PDGFC: variants seen among roughly 807,000 people sequenced by gnomAD.
PDGFC encodes platelet derived growth factor C, also known as platelet-derived growth factor C.
A neutral mutation model predicts 35.5 loss-of-function variants in PDGFC; 12 were observed. That is an observed-to-expected ratio of 0.34 (90% CI 0.22 to 0.55). The LOEUF is 0.55. Ranked by LOEUF, PDGFC falls within the 20% of genes least tolerant of loss-of-function variation. PDGFC has a pLI of 0.91. For synonymous variants in PDGFC, 159 were observed against 148.8 expected (o/e 1.07, Z -0.50); for missense variants, 322 against 412.4 (o/e 0.78, Z 1.90).
At chr4:156,865,135 T>G (rs2111124582) in intron 1 of PDGFC, among the ~76,000 whole-genome samples, 1 of 151,936 alleles carries the variant, frequency 6.6e-6, no homozygotes, top group South Asian at 2.1e-4. Context: ...TTTTTCATCA[T>G]GAAGCAAAAC....
chr4:156,895,610 C>A (rs947191600), intron 1 of PDGFC, among the ~76,000 whole-genome samples: 3 of 148,224 alleles, frequency 2.0e-5, no homozygotes, highest in East Asian at 2.0e-4. Context: ...CCAGCCTGGG[C>A]GACAGAGCAA....
chr4:156,873,099 G>C (rs1730026106), intron 1 of PDGFC, among the ~76,000 whole-genome samples: 1 of 152,146 alleles, frequency 6.6e-6, no homozygotes, highest in Non-Finnish European at 1.5e-5. Context: ...CCACTGCCGG[G>C]ACTACAGAGA....
In PDGFC at chr4:156,970,876, T is replaced by A. The variant is rs1732576903; in HGVS notation, c.28A>T (p.Thr10Ser). 6.2e-7 allele frequency: 1 copy of A among 1,613,690 alleles called. No homozygotes were observed. Among genetic ancestry groups the A allele is most frequent in the Admixed American group, 1.7e-5 (1 of 60,004 alleles). ...TGTCTCTGGCCGGCCAGGGCAGATG[T>A]CAGCAGGAGAAGCCCGAAGAGGCTC... MSLFGLLLL[T>S]SALAGQRQGT... Residue 10 changes from threonine (T) to serine (S), a missense_variant, in exon 1 of 6, where the codon ACA becomes TCA. Physicochemically the swap from Thr to Ser is moderately conservative, Grantham distance 58. Around this residue, in one of 2 missense-constraint regions of PDGFC, gnomAD observed 120 missense variants for 116.6 expected, o/e 1.03. Transcript: ENST00000502773.
chr4:156,764,038 T>A (rs1730453576), intron 5 of PDGFC, among the ~76,000 whole-genome samples: 1 of 152,228 alleles, frequency 6.6e-6, no homozygotes, highest in Non-Finnish European at 1.5e-5. Context: ...TTACATTTTA[T>A]TTCTTATGAT....
chr4:156,954,543 C>A (rs1423976743), intron 1 of PDGFC, among the ~76,000 whole-genome samples: 1 of 152,004 alleles, frequency 6.6e-6, no homozygotes, highest in Non-Finnish European at 1.5e-5. Flanking sequence ...TTGCGATGGT[C>A]ATGCTCTTCT....
chr4:156,954,388 AGTT>A (rs1357797794), intron 1 of PDGFC, among the ~76,000 whole-genome samples: 3 of 152,028 alleles, frequency 2.0e-5, no homozygotes, highest in African/African-American at 7.2e-5. Flanking sequence ...GATAAATCAC[AGTT>A]GTCAATCTCA....
At chr4:156,795,572 C>G (rs1456441218) in intron 3 of PDGFC, among the ~76,000 whole-genome samples, 1 of 152,024 alleles carries the variant, frequency 6.6e-6, no homozygotes, top group Non-Finnish European at 1.5e-5. Context: ...GATTCTCCAC[C>G]TGAACTACTC....
chr4:156,841,578 C>A (rs1729206652), intron 2 of PDGFC, among the ~76,000 whole-genome samples: 2 of 150,844 alleles, frequency 1.3e-5, no homozygotes, highest in African/African-American at 4.9e-5. Context: ...ACAATCTTGG[C>A]TCACTGCAAC....
intron 1 of PDGFC, among the ~76,000 whole-genome samples, chr4:156,856,530 C>G (rs1402920769): frequency 1.3e-5 from 2 of 152,180 alleles, no homozygotes; most frequent in African/African-American, 4.8e-5. Context: ...GGTGTACACT[C>G]CCTTTAGGAG....
At chr4:156,801,947 G>T (rs1011658255) in intron 3 of PDGFC, among the ~76,000 whole-genome samples, 1 of 152,178 alleles carries the variant, frequency 6.6e-6, no homozygotes, top group South Asian at 2.1e-4. Flanking sequence ...CAGGTAGCTA[G>T]CTACTCTATG....
At chr4:156,796,496 T>C (rs1332710671) in intron 3 of PDGFC, among the ~76,000 whole-genome samples, 1 of 149,324 alleles carries the variant, frequency 6.7e-6, no homozygotes, top group Non-Finnish European at 1.5e-5. Context: ...TTTGTATTTT[T>C]TTTTTTTTTT....
chr4:156,948,761 T>C (rs1405675116), intron 1 of PDGFC, among the ~76,000 whole-genome samples: 2 of 152,010 alleles, frequency 1.3e-5, no homozygotes, highest in Non-Finnish European at 2.9e-5. Flanking sequence ...CTAGTTCCTC[T>C]ACATACATAG....
chr4:156,803,360 T>C (rs1396145433), intron 3 of PDGFC, among the ~76,000 whole-genome samples: 1 of 151,974 alleles, frequency 6.6e-6, no homozygotes, highest in Non-Finnish European at 1.5e-5. Flanking sequence ...CTGTGAAAAA[T>C]GACTACAGAG....
At chr4:156,824,309 T>C (rs1579034663) in intron 2 of PDGFC, among the ~76,000 whole-genome samples, 5 of 42,402 alleles carry the variant, frequency 1.2e-4, no homozygotes, top group East Asian at 3.2e-4. Context: ...TATATATATA[T>C]ATATATATAT....
chr4:156,843,522 A>T lies in PDGFC; in HGVS notation c.314+6699T>A, dbSNP rs115308300. ...CCCCTTGCCAGCGGCTGAGGTAGGC[A>T]TACCACAGAAAGGAACCATAGCATC... On this transcript the variant is annotated intron_variant, in intron 2 of 5. Coordinates refer to ENST00000502773, the MANE Select transcript of PDGFC (RefSeq NM_016205.3). Among the ~76,000 whole-genome samples, 1,405 of 152,272 alleles carry T rather than the reference A, an allele frequency of 9.2e-3. 28 individuals are homozygous for T. The highest frequency in any genetic ancestry group is 0.031 in the African/African-American group (1,285 of 41,572).
At chr4:156,902,846 C>T (rs1038975710) in intron 1 of PDGFC, among the ~76,000 whole-genome samples, 2 of 152,116 alleles carry the variant, frequency 1.3e-5, no homozygotes, top group African/African-American at 4.8e-5. Flanking sequence ...CACATTAGCA[C>T]TCAATATTTC....
chr4:156,930,784 C>A (rs1731532590), intron 1 of PDGFC, among the ~76,000 whole-genome samples: 1 of 152,124 alleles, frequency 6.6e-6, no homozygotes, highest in South Asian at 2.1e-4. Context: ...AGGAGGGTCG[C>A]TTGAACCAGG....
At chr4:156,955,583 TA>T (rs1560889769) in intron 1 of PDGFC, among the ~76,000 whole-genome samples, 1 of 151,992 alleles carries the variant, frequency 6.6e-6, no homozygotes, top group Non-Finnish European at 1.5e-5. Flanking sequence ...ACGAAAAATG[TA>T]AAATGCATTT....
intron 1 of PDGFC, among the ~76,000 whole-genome samples, chr4:156,868,519 T>C (rs1289880348): frequency 2.0e-5 from 3 of 152,086 alleles, no homozygotes; most frequent in Admixed American, 6.5e-5. Flanking sequence ...AAAAACATCC[T>C]AGGAAAACCC....
Sources: gnomAD v4.1 joint callset for allele counts (sites outside exome capture counted in the v4.1 genomes callset) on GRCh38, gnomAD v4.1.1 for gene constraint, gnomAD v4.1.1 regional missense constraint, MANE v1.5 for transcripts, NCBI Gene and HGNC (gene_info 2026-07-23, HGNC 2026-07-21) for gene names.